Variants in ALK observed in about 807,000 individuals in gnomAD.
The protein encoded by ALK is ALK tyrosine kinase receptor.
Under a neutral mutation model 163.1 loss-of-function variants are expected in ALK, and 74 were observed. The ratio of observed to expected loss-of-function variants is 0.45; its 90% confidence interval spans 0.38 to 0.55. The LOEUF is 0.55. Ranked by LOEUF, ALK falls within the 20% of genes least tolerant of loss-of-function variation. The probability of loss-of-function intolerance (pLI) is 0.00; values close to 1 mark genes in which losing one functional copy is unlikely to be tolerated. For missense variants in ALK, 2,063 were observed against 2,105.3 expected (o/e 0.98, Z 0.39); for synonymous variants, 960 against 843.2 (o/e 1.14, Z -2.40).
intron 13 of ALK, among the ~76,000 whole-genome samples, chr2:29,236,933 G>A (rs1477593772): frequency 2.0e-5 from 3 of 152,084 alleles, no homozygotes; most frequent in African/African-American, 7.2e-5. Flanking sequence ...TCTGCCTGTG[G>A]CTGTCTACCA....
intron 3 of ALK, among the ~76,000 whole-genome samples, chr2:29,572,564 T>C (rs1043745748): frequency 3.3e-5 from 5 of 152,274 alleles, no homozygotes; most frequent in Admixed American, 6.5e-5. Flanking sequence ...TTGTGGCGCC[T>C]ATCTGGGTGG....
intron 3 of ALK, among the ~76,000 whole-genome samples, chr2:29,625,373 C>T (rs924736417): frequency 3.3e-5 from 5 of 152,126 alleles, no homozygotes; most frequent in South Asian, 2.1e-4. Flanking sequence ...TGTATATGTG[C>T]GCATTTTCCC....
At chr2:29,263,358 G>A (rs925877760) in intron 11 of ALK, among the ~76,000 whole-genome samples, 1 of 152,162 alleles carries the variant, frequency 6.6e-6, no homozygotes, top group Non-Finnish European at 1.5e-5. Context: ...CTCATTGTTT[G>A]GTTCTAACTC....
chr2:29,242,464 G>A (rs954055657), intron 12 of ALK, among the ~76,000 whole-genome samples: 8 of 152,132 alleles, frequency 5.3e-5, no homozygotes, highest in African/African-American at 1.7e-4. Context: ...TATTTTAGAC[G>A]TTGTTTGTTC....
chr2:29,411,627 G>C (rs1301382879), intron 4 of ALK, among the ~76,000 whole-genome samples: 4 of 152,146 alleles, frequency 2.6e-5, no homozygotes, highest in Non-Finnish European at 5.9e-5. Context: ...GTCTGGAAAA[G>C]CTTCTGCTAA....
chr2:29,784,710 C>G (rs11693591), intron 1 of ALK, among the ~76,000 whole-genome samples: 3 of 24,996 alleles, frequency 1.2e-4, no homozygotes, highest in African/African-American at 3.1e-4. Flanking sequence ...ACAACAACAA[C>G]AAAAACAACA....
chr2:29,705,009 G>C (rs185994256), intron 2 of ALK, among the ~76,000 whole-genome samples: 2 of 151,774 alleles, frequency 1.3e-5, no homozygotes, highest in African/African-American at 4.8e-5. Context: ...CTTGAGGTCA[G>C]GAGTTCGAGA....
At chr2:29,399,695 G>A (rs1027292615) in intron 4 of ALK, among the ~76,000 whole-genome samples, 2 of 152,166 alleles carry the variant, frequency 1.3e-5, no homozygotes, top group South Asian at 4.1e-4. Context: ...GAGCCTGACC[G>A]GTGATGTCTC....
At chr2:29,845,729 C>T (rs541771382) in intron 1 of ALK, among the ~76,000 whole-genome samples, 37 of 152,292 alleles carry the variant, frequency 2.4e-4, no homozygotes, top group Non-Finnish European at 4.9e-4. Flanking sequence ...CCACTGTGCC[C>T]GGACACATTT....
chr2:29,211,495 G>A lies in ALK; in HGVS notation c.3744-1617C>T, dbSNP rs76447127. On this transcript the variant is annotated intron_variant, in intron 24 of 28. Transcript: ENST00000389048. ...ACATCAAGAGTTGGGAGAGTGACAC[G>A]TCATTTATGAAATGGCAATAAACCA... Among the ~76,000 whole-genome samples the A allele has an allele frequency of 7.1e-4, 108 of 152,286 alleles. No homozygotes were observed. The East Asian group carries it at 0.011, about 15-fold the overall frequency.
At chr2:29,847,947 G>A (rs1665889395) in intron 1 of ALK, among the ~76,000 whole-genome samples, 1 of 152,056 alleles carries the variant, frequency 6.6e-6, no homozygotes, top group Non-Finnish European at 1.5e-5. Context: ...GCTTTGATAC[G>A]CTCATTGTCT....
At chr2:29,666,146 G>A (rs1441539071) in intron 3 of ALK, among the ~76,000 whole-genome samples, 1 of 151,934 alleles carries the variant, frequency 6.6e-6, no homozygotes, top group Non-Finnish European at 1.5e-5. Flanking sequence ...TATTCCGTTA[G>A]TCTACTCATC....
At chr2:29,467,368 C>T (rs1384049606) in intron 4 of ALK, among the ~76,000 whole-genome samples, 1 of 152,054 alleles carries the variant, frequency 6.6e-6, no homozygotes, top group Non-Finnish European at 1.5e-5. Flanking sequence ...CTGTTGCTGG[C>T]CTTGGGAATA....
intron 10 of ALK, 24 bp from the exon 11 acceptor site, chr2:29,275,251 G>C: frequency 6.2e-7 from 1 of 1,614,012 alleles, no homozygotes; most frequent in Non-Finnish European, 8.5e-7. Flanking sequence ...GACCCCACGG[G>C]CTGAGTTAGG....
At chr2:29,222,734 C>T (rs1236007147) in intron 20 of ALK, 127 bp from the exon 21 acceptor site, 11 of 758,628 alleles carry the variant, frequency 1.4e-5, no homozygotes, top group Non-Finnish European at 2.3e-5. Context: ...CATACACACT[C>T]AGGAGTAATA....
intron 1 of ALK, among the ~76,000 whole-genome samples, chr2:29,771,536 T>C (rs889917038): frequency 4.7e-5 from 7 of 149,778 alleles, no homozygotes; most frequent in Non-Finnish European, 7.4e-5. Context: ...ATTCTTCTCT[T>C]TTTTTTTTGG....
chr2:29,858,753 A>G (rs1223039816), intron 1 of ALK, among the ~76,000 whole-genome samples: 1 of 143,820 alleles, frequency 7.0e-6, no homozygotes, highest in East Asian at 2.1e-4. Context: ...AAAAACAAAA[A>G]CAAGGTCAGG....
chr2:29,920,600 G>A lies in ALK; in HGVS notation c.60C>T (p.Gly20=), dbSNP rs1458317697. ...CGCGCTGGCCGGTCCCCATCCCGGA[G>A]CCCACAGCTGCCGTGGAAAGCAGCA... is the stretch of plus-strand genomic sequence containing the variant. The part of the protein sequence containing the change: ...LPLLLSTAAV[G]SGMGTGQRAG... The change falls in exon 1 of 29, where the codon GGC becomes GGT. Residue 20 remains glycine, a synonymous_variant. Coordinates refer to ENST00000389048, the MANE Select transcript of ALK (RefSeq NM_004304.5). 3 of 1,557,766 alleles carry A rather than the reference G, an allele frequency of 1.9e-6. No individual in the cohort carries two copies. The highest frequency in any genetic ancestry group is 3.7e-5 in the Admixed American group (2 of 53,554).
chr2:29,450,975 T>A (rs772376857), intron 4 of ALK, among the ~76,000 whole-genome samples: 1 of 152,130 alleles, frequency 6.6e-6, no homozygotes, highest in Non-Finnish European at 1.5e-5. Flanking sequence ...AGGTGACTTT[T>A]ATGAGCCCTA....
Sources: allele counts gnomAD v4.1 joint callset (sites outside exome capture counted in the v4.1 genomes callset), GRCh38; gene constraint gnomAD v4.1.1; transcripts MANE v1.5; gene names NCBI Gene and HGNC (gene_info 2026-07-23, HGNC 2026-07-21).